CNTNAP2: variants seen among roughly 807,000 people sequenced by gnomAD.
CNTNAP2 encodes the protein contactin associated protein 2.
Under a neutral mutation model 155.2 loss-of-function variants are expected in CNTNAP2, and 98 were observed. That is an observed-to-expected ratio of 0.63 (90% confidence interval 0.54 to 0.75). The LOEUF (loss-of-function observed/expected upper bound fraction) is 0.75. CNTNAP2 is among the 30% of genes least tolerant of loss of function. The pLI is 0.00. For synonymous variants in CNTNAP2, 651 were observed against 631.2 expected (o/e 1.03, Z -0.47); for missense variants, 1,727 against 1,688.1 (o/e 1.02, Z -0.40).
At chr7:148,025,394 C>T (rs1802357892) in intron 15 of CNTNAP2, among the ~76,000 whole-genome samples, 1 of 152,252 alleles carries the variant, frequency 6.6e-6, no homozygotes, top group Non-Finnish European at 1.5e-5. Flanking sequence ...GATTTAATCC[C>T]CAGTCAATCT....
chr7:146,526,313 T>G (rs529358515), intron 1 of CNTNAP2, among the ~76,000 whole-genome samples: 3 of 152,284 alleles, frequency 2.0e-5, no homozygotes, highest in Non-Finnish European at 4.4e-5. Context: ...ATCGAGTAAT[T>G]TATAAGGAAA....
rs74373787 is a variant in CNTNAP2 at position 146,879,029 on chromosome 7, C to T, written c.402+39125C>T. On this transcript the variant is annotated intron_variant, in intron 3 of 23. Coordinates refer to ENST00000361727, the MANE Select transcript of CNTNAP2 (RefSeq NM_014141.6). The stretch of plus-strand genomic sequence containing the variant: ...TCTGGGTTGCTTTCAATCACATTTT[C>T]AAACCAAGAAACACTCCAGGCTTGT... 5.3e-3 allele frequency among the ~76,000 whole-genome samples: 803 copies of T among 152,308 alleles called. 10 individuals carry two copies. The highest frequency in any genetic ancestry group is 0.018 in the African/African-American group (766 of 41,564).
intron 14 of CNTNAP2, among the ~76,000 whole-genome samples, chr7:147,930,409 C>A (rs565706869): frequency 3.9e-5 from 6 of 152,004 alleles, no homozygotes; most frequent in East Asian, 3.9e-4. Context: ...ATGCAAATGG[C>A]AACCAAAAGA....
chr7:148,362,964 A>G (rs1289086838), intron 21 of CNTNAP2, among the ~76,000 whole-genome samples: 1 of 151,888 alleles, frequency 6.6e-6, no homozygotes, highest in Non-Finnish European at 1.5e-5. Context: ...TATTCAATAG[A>G]TTGCATCAGA....
At chr7:146,174,152 T>C (rs78229737) in intron 1 of CNTNAP2, among the ~76,000 whole-genome samples, 5,023 of 151,136 alleles carry the variant, frequency 0.033, 279 homozygotes, top group African/African-American at 0.12. Flanking sequence ...CAGTGAGCTA[T>C]AATCCTGCCA....
chr7:146,822,255 T>G (rs971039652), intron 2 of CNTNAP2, among the ~76,000 whole-genome samples: 6 of 151,958 alleles, frequency 3.9e-5, no homozygotes, highest in African/African-American at 9.7e-5. Flanking sequence ...CTCACTCATA[T>G]GTGGGAATTG....
At chr7:146,947,643 T>C (rs1309705050) in intron 3 of CNTNAP2, among the ~76,000 whole-genome samples, 1 of 147,164 alleles carries the variant, frequency 6.8e-6, no homozygotes, top group Non-Finnish European at 1.5e-5. Context: ...TGGTAGCTCA[T>C]GCCTGTAATT....
intron 10 of CNTNAP2, among the ~76,000 whole-genome samples, chr7:147,471,105 G>C (rs1798208593): frequency 6.6e-6 from 1 of 152,146 alleles, no homozygotes; most frequent in African/African-American, 2.4e-5. Context: ...AGTTTTACTA[G>C]GAGTAGAGGA....
At chr7:146,944,984 T>C (rs1212676905) in intron 3 of CNTNAP2, among the ~76,000 whole-genome samples, 2 of 152,212 alleles carry the variant, frequency 1.3e-5, no homozygotes, top group African/African-American at 4.8e-5. Flanking sequence ...TTCTGTCTTT[T>C]CTGTTGGCAT....
chr7:146,387,111 C>T (rs1278681172), intron 1 of CNTNAP2, among the ~76,000 whole-genome samples: 1 of 152,178 alleles, frequency 6.6e-6, no homozygotes, highest in African/African-American at 2.4e-5. Context: ...TTGAGGAAAA[C>T]ATCTTTGAAG....
chr7:147,121,760 T>C (rs960150623), intron 6 of CNTNAP2: 5 of 152,362 alleles, frequency 3.3e-5, no homozygotes, highest in African/African-American at 1.2e-4. Flanking sequence ...ATCACGTTTA[T>C]ATAAATAAAA....
intron 14 of CNTNAP2, among the ~76,000 whole-genome samples, chr7:147,930,106 A>G (rs1800471666): frequency 6.6e-6 from 1 of 152,134 alleles, no homozygotes; most frequent in Non-Finnish European, 1.5e-5. Context: ...GAACCCCTGT[A>G]TAGAGCACAT....
At chr7:148,128,067 G>C (rs374417965) in intron 16 of CNTNAP2, among the ~76,000 whole-genome samples, 1 of 151,940 alleles carries the variant, frequency 6.6e-6, no homozygotes. Flanking sequence ...ACGGGGTTTC[G>C]CCATATTGCC....
At position 148,366,183 on chromosome 7, in the gene CNTNAP2, T is replaced by TATGTGTGTGCATGTATATAGGTGTAC. The variant is rs1798769514; in HGVS notation, c.3476-17460_3476-17459insGTGCATGTATATAGGTGTACATGTGT. On this transcript the variant is annotated intron_variant, in intron 21 of 23. Coordinates refer to ENST00000361727, the MANE Select transcript of CNTNAP2 (RefSeq NM_014141.6). ...ATGTATGTGTGTGCATGTATACATG[T>TATGTGTGTGCATGTATATAGGTGTAC]ATGTGTATGCATGTATATAGGTGTA... Among the ~76,000 whole-genome samples, 4 of 102,494 alleles carry TATGTGTGTGCATGTATATAGGTGTAC rather than the reference T, an allele frequency of 3.9e-5. 2 individuals carry two copies. The highest frequency in any genetic ancestry group is 1.5e-4 in the African/African-American group (4 of 26,536). The allele number at this position is 102,494 out of a possible 152,430, so 67.2% of individuals were successfully genotyped here.
chr7:146,519,745 T>G (rs1797591205), intron 1 of CNTNAP2, among the ~76,000 whole-genome samples: 1 of 151,898 alleles, frequency 6.6e-6, no homozygotes, highest in Non-Finnish European at 1.5e-5. Flanking sequence ...CCGCATCGTC[T>G]CACTGAGCAT....
At chr7:147,774,524 T>C (rs78191808) in intron 13 of CNTNAP2, among the ~76,000 whole-genome samples, 1,670 of 152,272 alleles carry the variant, frequency 0.011, 99 homozygotes, top group Admixed American at 0.087. Flanking sequence ...TAGCTCTGTA[T>C]TTGGAGATAA....
intron 18 of CNTNAP2, among the ~76,000 whole-genome samples, chr7:148,191,224 G>C (rs1270294552): frequency 6.6e-6 from 1 of 151,828 alleles, no homozygotes; most frequent in African/African-American, 2.4e-5. Flanking sequence ...CCTTATAAAA[G>C]AACAAGTCTG....
chr7:146,373,863 G>A (rs985321619), intron 1 of CNTNAP2, among the ~76,000 whole-genome samples: 3 of 152,124 alleles, frequency 2.0e-5, no homozygotes, highest in Non-Finnish European at 4.4e-5. Flanking sequence ...CTGAAAATTC[G>A]AAGTAACTGG....
chr7:147,201,863 C>A (rs955521144), intron 8 of CNTNAP2, among the ~76,000 whole-genome samples: 2 of 152,088 alleles, frequency 1.3e-5, no homozygotes, highest in African/African-American at 4.8e-5. Flanking sequence ...TAGCATTGTA[C>A]ATTAAAGTAA....
Sources: gnomAD v4.1 joint callset for allele counts (sites outside exome capture counted in the v4.1 genomes callset) on GRCh38, gnomAD v4.1.1 for gene constraint, MANE v1.5 for transcripts, NCBI Gene and HGNC (gene_info 2026-07-23, HGNC 2026-07-21) for gene names.